DUSP22: variants seen among roughly 807,000 people sequenced by gnomAD.
DUSP22 encodes the protein dual specificity protein phosphatase 22.
Under a neutral mutation model 24.5 loss-of-function variants are expected in DUSP22, and 24 were observed. The ratio of observed to expected loss-of-function variants is 0.98; its 90% CI spans 0.71 to 1.38. The LOEUF (loss-of-function observed/expected upper bound fraction) is 1.38. Among genes scored for constraint, DUSP22 ranks in the 40% most tolerant of loss-of-function variants. The pLI is 0.00. For synonymous variants in DUSP22, 160 were observed against 106.4 expected (o/e 1.50, Z -3.10); for missense variants, 330 against 269.2 (o/e 1.23, Z -1.58).
At chr6:306,253 T>C (rs1263976662) in intron 2 of DUSP22, among the ~76,000 whole-genome samples, 2 of 152,426 alleles carry the variant, frequency 1.3e-5, no homozygotes, top group African/African-American at 4.8e-5. Flanking sequence ...AATTGCTAGA[T>C]GAAAGGTTTG....
At chr6:304,186 C>T (rs879086313) in intron 1 of DUSP22, among the ~76,000 whole-genome samples, 79 of 152,404 alleles carry the variant, frequency 5.2e-4, no homozygotes, top group Non-Finnish European at 6.8e-4. Flanking sequence ...TGTCACTGAG[C>T]CGGGGGCCAA....
intron 4 of DUSP22, among the ~76,000 whole-genome samples, chr6:342,286 T>C (rs1402828739): frequency 6.6e-6 from 1 of 152,310 alleles, no homozygotes; most frequent in East Asian, 1.9e-4. Flanking sequence ...GACACGGCTC[T>C]TTCTGACCAG....
rs1479324542 is a variant in DUSP22, at chr6:349,881, C to T, written c.*930C>T. ...AGCCTAAGTTGGGTGCCCCAGGGCACCCCCTCCTCTCTGCTCCTTGCCAGC... is the reference window on the plus strand; with the variant it reads ...AGCCTAAGTTGGGTGCCCCAGGGCATCCCCTCCTCTCTGCTCCTTGCCAGC... On this transcript the variant is annotated 3_prime_UTR_variant, in exon 7 of 7. Coordinates refer to ENST00000419235, the MANE Select transcript of DUSP22 (RefSeq NM_001286555.3). 21 of 985,920 alleles carry T rather than the reference C, an allele frequency of 2.1e-5. No homozygotes were observed. The highest frequency in any genetic ancestry group is 2.5e-5 in the Non-Finnish European group (21 of 830,372). 61.1% of individuals were successfully genotyped at this position (985,920 alleles called of 1,614,324 possible). A position where few individuals can be genotyped will look rare whatever the true frequency, so the allele number is the denominator to read the frequency against.
At chr6:341,668 T>C (rs919804247) in intron 4 of DUSP22, among the ~76,000 whole-genome samples, 4 of 152,294 alleles carry the variant, frequency 2.6e-5, no homozygotes, top group African/African-American at 9.6e-5. Context: ...GCGCCGCGAA[T>C]GGCCCTATCA....
intron 3 of DUSP22, among the ~76,000 whole-genome samples, chr6:332,919 G>A (rs536199652): frequency 1.0e-4 from 16 of 152,410 alleles, no homozygotes; most frequent in African/African-American, 2.9e-4. Flanking sequence ...TGGACTGATC[G>A]ACTGCCAACT....
chr6:321,751 A>G (rs1489092778), intron 3 of DUSP22, among the ~76,000 whole-genome samples: 4 of 152,306 alleles, frequency 2.6e-5, no homozygotes, highest in South Asian at 2.1e-4. Flanking sequence ...GGAACAATCC[A>G]TTGAGAAGTT....
chr6:323,345 G>A (rs973236868), intron 3 of DUSP22, among the ~76,000 whole-genome samples: 5 of 152,420 alleles, frequency 3.3e-5, no homozygotes, highest in Admixed American at 2.6e-4. Flanking sequence ...TACTGCCAGC[G>A]TCAAGTTTCA....
At chr6:330,428 CTCCT>C (rs1382411487) in intron 3 of DUSP22, among the ~76,000 whole-genome samples, 2 of 152,302 alleles carry the variant, frequency 1.3e-5, no homozygotes, top group African/African-American at 4.8e-5. Context: ...TGAGAAGACT[CTCCT>C]TCTTACAACG....
chr6:318,255 C>A (rs1043685087), intron 3 of DUSP22, among the ~76,000 whole-genome samples: 2 of 152,306 alleles, frequency 1.3e-5, no homozygotes, highest in African/African-American at 4.8e-5. Flanking sequence ...ATCCAAGACA[C>A]AGACAGTGAC....
chr6:305,892 ATT>A (rs1178040751), intron 2 of DUSP22, among the ~76,000 whole-genome samples: 1 of 152,306 alleles, frequency 6.6e-6, no homozygotes, highest in Non-Finnish European at 1.5e-5. Context: ...TGTTGCTGAA[ATT>A]TCTGAGTTCA....
At chr6:330,201 G>GTGA (rs1485337502) in intron 3 of DUSP22, among the ~76,000 whole-genome samples, 4 of 152,418 alleles carry the variant, frequency 2.6e-5, no homozygotes, top group Non-Finnish European at 4.4e-5. Context: ...GCTTCTAGTG[G>GTGA]TGACATGTTT....
intron 4 of DUSP22, among the ~76,000 whole-genome samples, chr6:342,347 C>T (rs1219090383): frequency 5.3e-5 from 8 of 152,302 alleles, no homozygotes; most frequent in Non-Finnish European, 1.0e-4. Context: ...TCAGGGACAG[C>T]GTCTTGGCAC....
At chr6:348,323 C>T (rs377545062) in intron 6 of DUSP22, 49 bp downstream of exon 6, 128 of 1,609,336 alleles carry the variant, frequency 8.0e-5, no homozygotes, top group South Asian at 6.1e-4. Context: ...TGCCCCTGAA[C>T]GGTGCCCACA....
chr6:320,803 G>C (rs1443039279), intron 3 of DUSP22, among the ~76,000 whole-genome samples: 5 of 152,276 alleles, frequency 3.3e-5, no homozygotes, highest in Non-Finnish European at 7.3e-5. Flanking sequence ...TAGAGTGGAG[G>C]CGGTGGTCAG....
chr6:292,505 C>T lies in DUSP22; in HGVS notation c.-35C>T, dbSNP rs1401772985. On this transcript the variant is annotated 5_prime_UTR_variant, in exon 1 of 7. Transcript: ENST00000419235. Reference sequence around the variant, plus strand: ...ACATGCCATAGTGCGCCTGCGACCACACGGCCGGGGCGCTAGCGTTCGCCT... The same window carrying T: ...ACATGCCATAGTGCGCCTGCGACCATACGGCCGGGGCGCTAGCGTTCGCCT... The T allele has an allele frequency of 1.2e-6, 2 of 1,604,016 alleles. No homozygotes were observed. Among genetic ancestry groups the T allele is most frequent in the South Asian group, 1.1e-5 (1 of 90,286 alleles).
chr6:346,857 C>CAGGGACCCAG (rs61001491), intron 5 of DUSP22, among the ~76,000 whole-genome samples: 1 of 152,258 alleles, frequency 6.6e-6, no homozygotes, highest in Admixed American at 6.5e-5. Context: ...CCCAGGGACC[C>CAGGGACCCAG]AGTGCATGAC....
At chr6:341,566 C>T (rs1759608940) in intron 4 of DUSP22, among the ~76,000 whole-genome samples, 1 of 152,310 alleles carries the variant, frequency 6.6e-6, no homozygotes, top group Non-Finnish European at 1.5e-5. Flanking sequence ...ATCTCTCTGG[C>T]TTGGCCTTGT....
intron 3 of DUSP22, 61 bp downstream of exon 3, chr6:312,023 C>A: frequency 6.6e-7 from 1 of 1,513,246 alleles, no homozygotes. Context: ...GGAGTACCTA[C>A]GACGTTAATG....
intron 1 of DUSP22, 57 bp downstream of exon 1, chr6:292,617 C>T (rs1203591252): frequency 1.2e-5 from 18 of 1,563,310 alleles, no homozygotes; most frequent in Admixed American, 2.0e-5. Context: ...CCTGCCGTCT[C>T]GCCGGCGTCG....
Sources: allele counts gnomAD v4.1 joint callset (sites outside exome capture counted in the v4.1 genomes callset), GRCh38; gene constraint gnomAD v4.1.1; transcripts MANE v1.5; gene names NCBI Gene and HGNC (gene_info 2026-07-23, HGNC 2026-07-21).